CSGALNACT1: variants seen among roughly 807,000 people sequenced by gnomAD.
The protein encoded by CSGALNACT1 is beta4GalNAcT-1.
In CSGALNACT1, 52 loss-of-function variants were observed where a neutral mutation model predicts 51.0. The ratio of observed to expected loss-of-function variants is 1.02; its 90% confidence interval spans 0.82 to 1.29. CSGALNACT1 has a LOEUF of 1.29. CSGALNACT1 is among the 50% of genes most tolerant of loss of function. The probability of loss-of-function intolerance (pLI) is 0.00; values close to 1 mark genes in which losing one functional copy is unlikely to be tolerated. For missense variants in CSGALNACT1, 935 were observed against 679.2 expected, an observed-to-expected ratio of 1.38 and a Z score of -4.19; for synonymous variants, 341 against 254.4, an observed-to-expected ratio of 1.34 and a Z score of -3.24.
intron 4 of CSGALNACT1, among the ~76,000 whole-genome samples, chr8:19,489,267 T>C (rs900315233): frequency 6.6e-6 from 1 of 152,070 alleles, no homozygotes; most frequent in South Asian, 2.1e-4. Context: ...AAAATACAGA[T>C]AGGGAAGAAT....
chr8:19,689,583 A>T (rs145302151), intron 1 of CSGALNACT1, among the ~76,000 whole-genome samples: 1 of 152,346 alleles, frequency 6.6e-6, no homozygotes, highest in East Asian at 1.9e-4. Flanking sequence ...TCTGCTTAAA[A>T]ATTCTATGAG....
intron 1 of CSGALNACT1, among the ~76,000 whole-genome samples, chr8:19,610,565 C>G (rs76755378): frequency 0.033 from 4,988 of 152,206 alleles, 278 homozygotes; most frequent in African/African-American, 0.11. Context: ...TGGACAACCA[C>G]AGGAACGCAC....
At chr8:19,702,569 C>G (rs1343698053) in intron 1 of CSGALNACT1, among the ~76,000 whole-genome samples, 1 of 152,060 alleles carries the variant, frequency 6.6e-6, no homozygotes. Flanking sequence ...TGCTCCCAGC[C>G]CTTTCCCACC....
chr8:19,508,083 C>A (rs889910319), intron 3 of CSGALNACT1, among the ~76,000 whole-genome samples: 4 of 152,212 alleles, frequency 2.6e-5, no homozygotes, highest in Non-Finnish European at 5.9e-5. Flanking sequence ...AAGCCAGATT[C>A]TGGGCCAATA....
At position 19,449,224 on chromosome 8, in the gene CSGALNACT1, A is replaced by G. The variant is rs554570992; in HGVS notation, c.851+9202T>C. ...ATAACCCCTGGCTCAAGTGAAATCAAAACCAACTTCTATTAAGTCTTCAAA... is the reference window on the plus strand; with the variant it reads ...ATAACCCCTGGCTCAAGTGAAATCAGAACCAACTTCTATTAAGTCTTCAAA... On this transcript the variant is annotated intron_variant, in intron 5 of 9. Coordinates refer to ENST00000454498, the Ensembl canonical transcript of CSGALNACT1. Among the ~76,000 whole-genome samples, 5 of 152,294 alleles carry G rather than the reference A, an allele frequency of 3.3e-5. No homozygotes were observed. In the East Asian group the frequency reaches 9.6e-4, roughly 29 times the overall value.
intron 5 of CSGALNACT1, among the ~76,000 whole-genome samples, chr8:19,447,641 G>A (rs894831687): frequency 2.0e-5 from 3 of 152,218 alleles, no homozygotes; most frequent in African/African-American, 7.2e-5. Flanking sequence ...CAGATCTCCA[G>A]ACCTTGCCAG....
chr8:19,486,319 G>C (rs1437502899), intron 4 of CSGALNACT1, among the ~76,000 whole-genome samples: 1 of 152,034 alleles, frequency 6.6e-6, no homozygotes, highest in Non-Finnish European at 1.5e-5. Context: ...CTGCCTAATG[G>C]TGGTCTCTGA....
At chr8:19,541,329 C>A (rs1052882361) in intron 3 of CSGALNACT1, among the ~76,000 whole-genome samples, 6 of 148,980 alleles carry the variant, frequency 4.0e-5, no homozygotes, top group Non-Finnish European at 7.4e-5. Flanking sequence ...CGGCTCACTG[C>A]AAGCTCTGCC....
intron 4 of CSGALNACT1, among the ~76,000 whole-genome samples, chr8:19,487,801 G>T (rs1340189626): frequency 6.6e-6 from 1 of 152,092 alleles, no homozygotes; most frequent in African/African-American, 2.4e-5. Context: ...TAGGTATCAT[G>T]AAATCATTGA....
chr8:19,586,448 T>C (rs1036885482), intron 3 of CSGALNACT1, among the ~76,000 whole-genome samples: 48 of 151,774 alleles, frequency 3.2e-4, no homozygotes, highest in Non-Finnish European at 5.3e-4. Flanking sequence ...TAGACAACTC[T>C]TCCTAATGTA....
At chr8:19,455,889 T>G (rs759896133) in intron 5 of CSGALNACT1, among the ~76,000 whole-genome samples, 7 of 152,194 alleles carry the variant, frequency 4.6e-5, no homozygotes, top group Non-Finnish European at 1.5e-5. Flanking sequence ...TGCACCTTGG[T>G]AGCATGTCTA....
At chr8:19,664,589 CA>C (rs2059027151) in intron 1 of CSGALNACT1, among the ~76,000 whole-genome samples, 1 of 152,026 alleles carries the variant, frequency 6.6e-6, no homozygotes. Context: ...AAGTATTCAC[CA>C]ACGTATGCTT....
intron 1 of CSGALNACT1, among the ~76,000 whole-genome samples, chr8:19,720,550 T>G (rs1255537997): frequency 6.6e-6 from 1 of 152,198 alleles, no homozygotes; most frequent in Non-Finnish European, 1.5e-5. Context: ...CTGGTAGAAC[T>G]GTATGCATTA....
intron 3 of CSGALNACT1, among the ~76,000 whole-genome samples, chr8:19,538,376 T>A (rs980863452): frequency 1.3e-5 from 2 of 152,048 alleles, no homozygotes; most frequent in African/African-American, 4.8e-5. Context: ...AAAAGTCATA[T>A]AATTAGAAAA....
intron 1 of CSGALNACT1, among the ~76,000 whole-genome samples, chr8:19,692,100 C>A (rs544869120): frequency 6.6e-6 from 1 of 152,112 alleles, no homozygotes; most frequent in Non-Finnish European, 1.5e-5. Flanking sequence ...CATCAGATAT[C>A]CTGAGAACTC....
chr8:19,459,673 C>T (rs1005191111), intron 4 of CSGALNACT1, among the ~76,000 whole-genome samples: 1 of 152,270 alleles, frequency 6.6e-6, no homozygotes. Context: ...CCTGGCCCCA[C>T]AGGTTTGCTT....
intron 4 of CSGALNACT1, among the ~76,000 whole-genome samples, chr8:19,470,235 T>A (rs1038170776): frequency 2.0e-5 from 3 of 152,134 alleles, no homozygotes; most frequent in Middle Eastern, 3.4e-3. Context: ...TAGAGAAAGC[T>A]TGGGGCAAGG....
upstream of CSGALNACT1, among the ~76,000 whole-genome samples, chr8:19,605,246 G>C (rs909536851): frequency 6.6e-6 from 1 of 152,066 alleles, no homozygotes; most frequent in African/African-American, 2.4e-5. Context: ...TGTCAGCCTG[G>C]CCAACATGGT....
At chr8:19,719,393 G>A (rs1183695776) in intron 1 of CSGALNACT1, among the ~76,000 whole-genome samples, 1 of 152,084 alleles carries the variant, frequency 6.6e-6, no homozygotes, top group East Asian at 1.9e-4. Context: ...ATTATCTAAG[G>A]GGTATGTCTG....
Sources: gnomAD v4.1 joint callset for allele counts (sites outside exome capture counted in the v4.1 genomes callset) on GRCh38, gnomAD v4.1.1 for gene constraint, MANE v1.5 for transcripts, NCBI Gene and HGNC (gene_info 2026-07-23, HGNC 2026-07-21) for gene names.